SPATA13: variants seen among roughly 807,000 people sequenced by gnomAD.
SPATA13 encodes spermatogenesis-associated protein 13.
In SPATA13, 50 loss-of-function variants were observed where a neutral mutation model predicts 104.0. The observed-to-expected ratio is 0.48, with a 90% confidence interval of 0.38 to 0.61. The LOEUF (loss-of-function observed/expected upper bound fraction) is 0.61. SPATA13 is among the 20% of genes least tolerant of loss of function. SPATA13 has a pLI of 0.00. For synonymous variants in SPATA13, 606 were observed against 667.5 expected, an observed-to-expected ratio of 0.91 and a Z score of 1.42; for missense variants, 1,524 against 1,690.6, an observed-to-expected ratio of 0.90 and a Z score of 1.73.
chr13:24,083,747 T>G (rs1334197595), intron 3 of SPATA13, among the ~76,000 whole-genome samples: 1 of 152,198 alleles, frequency 6.6e-6, no homozygotes, highest in Non-Finnish European at 1.5e-5. Context: ...ACTTGCTGGT[T>G]TGAAACACAC....
At position 24,020,399 on chromosome 13, in the gene SPATA13, T is replaced by G. The variant is rs775566107; in HGVS notation, c.-112+2698T>G. Among the ~76,000 whole-genome samples the G allele has an allele frequency of 1.1e-3, 169 of 152,236 alleles. 3 individuals are homozygous for G. Among genetic ancestry groups the G allele is most frequent in the African/African-American group, 3.7e-3 (154 of 41,564 alleles). On this transcript the variant is annotated intron_variant, in intron 3 of 14. Coordinates refer to the SPATA13 transcript ENST00000424834. The stretch of plus-strand genomic sequence containing the variant: ...TTTTTGTTTTTTAACCTTAATCAAA[T>G]TTTTCATTAATGCTTAAGTAGAATA...
intron 3 of SPATA13, chr13:24,123,726 A>G (rs1484044566): frequency 1.4e-5 from 21 of 1,536,304 alleles, no homozygotes; most frequent in Non-Finnish European, 1.9e-5. Context: ...TGTATAGCAC[A>G]TCAGTGGAAA....
chr13:24,294,543 G>A (rs528838342), intron 9 of SPATA13, among the ~76,000 whole-genome samples, 196 bp from the exon 10 acceptor site: 121 of 152,336 alleles, frequency 7.9e-4, no homozygotes, highest in African/African-American at 2.7e-3. Context: ...GAATTGCACT[G>A]GGTCAGCTCC....
Position 24,161,031 on chromosome 13 carries a change from G to A in SPATA13, c.-112+99G>A, listed in dbSNP as rs1882456024. The A allele has an allele frequency of 1.3e-6, 1 of 742,894 alleles. No individual in the cohort carries two copies. The highest frequency in any genetic ancestry group is 1.3e-4 in the East Asian group (1 of 7,750). The allele number at this position is 742,894 out of a possible 1,614,324, so 46.0% of individuals were successfully genotyped here. A position where few individuals can be genotyped will look rare whatever the true frequency, so the allele number is the denominator to read the frequency against. On this transcript the variant is annotated intron_variant, in intron 1 of 12. Coordinates refer to ENST00000382108, the MANE Select transcript of SPATA13 (RefSeq NM_001166271.3). The surrounding 1 kb of genome is among the most constrained non-coding windows in gnomAD (Gnocchi z 4.5). ...TTTGAGTCCCAGTGGACTGCCTCGG[G>A]GCTTCGGGATGTCCAGCTCCCAGCT... is the stretch of plus-strand genomic sequence containing the variant.
intron 3 of SPATA13, among the ~76,000 whole-genome samples, chr13:24,067,785 A>G (rs1451565677): frequency 6.6e-6 from 1 of 152,042 alleles, no homozygotes; most frequent in Admixed American, 6.6e-5. Flanking sequence ...GGTCACTGCA[A>G]CCTCTGCCTC....
At chr13:24,279,587 G>C (rs1022798290) in intron 4 of SPATA13, among the ~76,000 whole-genome samples, 1 of 152,174 alleles carries the variant, frequency 6.6e-6, no homozygotes, top group African/African-American at 2.4e-5. Context: ...GAGGTAGCCA[G>C]ATCCTGGACA....
chr13:24,223,429 G>C lies in SPATA13; in HGVS notation c.500G>C (p.Gly167Ala). Residue 167 changes from glycine to alanine, a missense_variant, in exon 2 of 13, where the codon GGA (glycine) becomes GCA (alanine). By Grantham distance (60) the Gly-to-Ala change is moderately conservative (BLOSUM62 0). Transcript: ENST00000382108. ...AGCAGGGGCTCCCCCTTAGCACCGG[G>C]ACCAGCATGTGGTGCCCTCAGGCCA... The part of the protein sequence containing the change: ...QASRGSPLAP[G>A]PACGALRPAE... 3 of 1,551,008 alleles carry C rather than the reference G, an allele frequency of 1.9e-6. No individual in the cohort carries two copies. The highest frequency in any genetic ancestry group is 2.6e-6 in the Non-Finnish European group (3 of 1,147,002).
rs375880641 is a variant in SPATA13 at position 24,189,682 on chromosome 13, T to A, written c.-112+28750T>A. 3.5e-4 allele frequency among the ~76,000 whole-genome samples: 4 copies of A among 11,586 alleles called. 2 individuals carry two copies. Among genetic ancestry groups the A allele is most frequent in the Non-Finnish European group, 4.0e-4 (2 of 4,970 alleles). 7.6% of individuals were successfully genotyped at this position (11,586 alleles called of 152,430 possible). A position where few individuals can be genotyped will look rare whatever the true frequency, so the allele number is the denominator to read the frequency against. ...TTATATATTTATATATTATATATAT[T>A]TATATATAATATATAATATATTATA... On this transcript the variant is annotated intron_variant, in intron 1 of 12. Transcript: ENST00000382108.
intron 3 of SPATA13, among the ~76,000 whole-genome samples, chr13:24,037,940 C>T (rs185814018): frequency 1.4e-4 from 21 of 151,828 alleles, no homozygotes; most frequent in African/African-American, 4.6e-4. Context: ...GAAATGGAGT[C>T]TCGCTCTGTC....
intron 1 of SPATA13, among the ~76,000 whole-genome samples, chr13:24,192,826 C>T (rs1869840619): frequency 6.6e-6 from 1 of 152,150 alleles, no homozygotes; most frequent in South Asian, 2.1e-4. Flanking sequence ...AAAAGGCCTT[C>T]TGCATGGGTG....
chr13:24,284,488 C>G (rs1447236881), intron 5 of SPATA13, among the ~76,000 whole-genome samples: 4 of 152,116 alleles, frequency 2.6e-5, no homozygotes. Context: ...TAGTGAAACC[C>G]TGTCTCTACT....
intron 1 of SPATA13, among the ~76,000 whole-genome samples, chr13:24,195,299 T>G (rs1272692343): frequency 6.6e-6 from 1 of 152,250 alleles, no homozygotes; most frequent in Non-Finnish European, 1.5e-5. Context: ...TTCTGTTTTA[T>G]AGCTGAATAA....
chr13:24,209,145 C>A (rs1016795301), intron 1 of SPATA13, among the ~76,000 whole-genome samples: 8 of 152,028 alleles, frequency 5.3e-5, no homozygotes, highest in Non-Finnish European at 2.9e-5. Flanking sequence ...GGCTTAGGTG[C>A]CCAAGAACTG....
At chr13:24,173,291 ATAGACAATTGATTTTTAAAATG>A (rs1450706172) in intron 1 of SPATA13, among the ~76,000 whole-genome samples, 1 of 151,728 alleles carries the variant, frequency 6.6e-6, no homozygotes, top group African/African-American at 2.4e-5. Context: ...GTTAGCCGGG[ATAGACAATTGATTTTTAAAATG>A]TTTGGCTTGT....
intron 2 of SPATA13, among the ~76,000 whole-genome samples, chr13:24,237,381 A>AC (rs1872622000): frequency 6.6e-6 from 1 of 152,118 alleles, no homozygotes; most frequent in African/African-American, 2.4e-5. Flanking sequence ...ACAAAACAAA[A>AC]AAAACATGCT....
At chr13:24,166,123 C>T (rs1229551616) in intron 1 of SPATA13, among the ~76,000 whole-genome samples, 1 of 152,208 alleles carries the variant, frequency 6.6e-6, no homozygotes, top group Non-Finnish European at 1.5e-5. Flanking sequence ...AGTGTAATAC[C>T]GATGATACTT....
At chr13:24,096,822 C>T (rs1192561746) in intron 3 of SPATA13, among the ~76,000 whole-genome samples, 8 of 152,108 alleles carry the variant, frequency 5.3e-5, no homozygotes, top group Admixed American at 2.6e-4. Context: ...GGTGCAGAGC[C>T]GGAAGAATCA....
chr13:24,154,143 C>T (rs1385353186), intron 3 of SPATA13, among the ~76,000 whole-genome samples: 2 of 152,052 alleles, frequency 1.3e-5, no homozygotes, highest in South Asian at 2.1e-4. Context: ...AAAGCTTGGC[C>T]GTAGCTACAG....
chr13:24,067,078 T>G (rs141990079), intron 3 of SPATA13, among the ~76,000 whole-genome samples: 2 of 152,298 alleles, frequency 1.3e-5, no homozygotes, highest in African/African-American at 4.8e-5. Context: ...TTTCTTTCTG[T>G]TCCCTCTTGG....
Sources: allele counts gnomAD v4.1 joint callset (sites outside exome capture counted in the v4.1 genomes callset), GRCh38; gene constraint gnomAD v4.1.1; non-coding constraint Gnocchi (gnomAD v3.1); transcripts MANE v1.5; gene names NCBI Gene and HGNC (gene_info 2026-07-23, HGNC 2026-07-21).